The following PCMTD1 variants were observed in gnomAD, a reference collection of about 807,000 sequenced individuals.
PCMTD1 encodes the protein protein-L-isoaspartate (D-aspartate) O-methyltransferase domain containing 1.
PCMTD1 carries 12 observed loss-of-function variants against 37.6 expected under a neutral mutation model. The ratio of observed to expected loss-of-function variants is 0.32; its 90% CI spans 0.20 to 0.52. PCMTD1 has a LOEUF of 0.52. PCMTD1 is among the 20% of genes least tolerant of loss of function. The probability of loss-of-function intolerance (pLI) is 0.97; values close to 1 mark genes in which losing one functional copy is unlikely to be tolerated. For synonymous variants in PCMTD1, 117 were observed against 135.8 expected (o/e 0.86, Z 0.96); for missense variants, 235 against 421.3 (o/e 0.56, Z 3.87).
intron 1 of PCMTD1, among the ~76,000 whole-genome samples, chr8:51,897,883 T>C (rs2039030409): frequency 6.6e-6 from 1 of 152,180 alleles, no homozygotes; most frequent in Non-Finnish European, 1.5e-5. Context: ...AATAAAACGA[T>C]ATACTGTACT....
intron 2 of PCMTD1, among the ~76,000 whole-genome samples, chr8:51,846,053 A>T (rs1219441621): frequency 6.6e-6 from 1 of 152,254 alleles, no homozygotes; most frequent in Non-Finnish European, 1.5e-5. Flanking sequence ...CTGGCAGGAC[A>T]AAACTGCCAA....
At chr8:51,857,337 T>C (rs777980954) in intron 2 of PCMTD1, among the ~76,000 whole-genome samples, 2 of 152,196 alleles carry the variant, frequency 1.3e-5, no homozygotes, top group Non-Finnish European at 2.9e-5. Flanking sequence ...GAGAAAGTCA[T>C]TAGGTGGGAT....
chr8:51,859,616 A>G (rs1482090088), intron 2 of PCMTD1, among the ~76,000 whole-genome samples: 7 of 152,076 alleles, frequency 4.6e-5, no homozygotes, highest in Non-Finnish European at 8.8e-5. Flanking sequence ...AGACCTGACT[A>G]TACCTTAAAA....
chr8:51,834,629 T>C lies in PCMTD1; in HGVS notation c.411-940A>G, dbSNP rs1315045489. Among the ~76,000 whole-genome samples the C allele has an allele frequency of 2.0e-5, 3 of 152,310 alleles. No homozygotes were observed. In the East Asian group the frequency reaches 5.8e-4, roughly 29 times the overall value. On this transcript the variant is annotated intron_variant, in intron 3 of 5. Transcript: ENST00000522514. ...TATTATTTGAGGATGAAATAATTCA[T>C]ATTAAAAGGTTTAGCATGCAGTTAA...
chr8:51,835,995 T>C (rs928095748), intron 3 of PCMTD1, among the ~76,000 whole-genome samples: 7 of 152,240 alleles, frequency 4.6e-5, no homozygotes, highest in Admixed American at 6.5e-5. Context: ...ATACTATTTA[T>C]TGAGCACTAG....
chr8:51,847,405 T>C (rs1478727866), intron 2 of PCMTD1, among the ~76,000 whole-genome samples: 1 of 152,158 alleles, frequency 6.6e-6, no homozygotes, highest in Non-Finnish European at 1.5e-5. Flanking sequence ...GGCGGGCAGA[T>C]GGCTTGAGCC....
At chr8:51,879,504 T>C (rs979027093) in intron 1 of PCMTD1, among the ~76,000 whole-genome samples, 1 of 152,204 alleles carries the variant, frequency 6.6e-6, no homozygotes, top group East Asian at 1.9e-4. Context: ...AATTCATATA[T>C]AAATCAGGTC....
rs139700752 is a variant in PCMTD1, at chr8:51,893,319, T to C, written c.-96+5611A>G. On this transcript the variant is annotated intron_variant, in intron 1 of 5. Transcript: ENST00000522514. Reference sequence around the variant, plus strand: ...AGATATAAGAAAAAACTGTAACTTCTGCATGATAACCATTAACATCGATAG... The same window carrying C: ...AGATATAAGAAAAAACTGTAACTTCCGCATGATAACCATTAACATCGATAG... 3.7e-4 allele frequency among the ~76,000 whole-genome samples: 56 copies of C among 152,336 alleles called. 2 individuals are homozygous for C. In the South Asian group the frequency reaches 0.012, roughly 32 times the overall value.
rs547435060 is a variant in PCMTD1, at chr8:51,898,961, C to A, written c.-127G>T. 4 of 1,483,902 alleles carry A rather than the reference C, an allele frequency of 2.7e-6. No individual in the cohort carries two copies. Among genetic ancestry groups the A allele is most frequent in the Non-Finnish European group, 2.7e-6 (3 of 1,122,560 alleles). The allele number at this position is 1,483,902 out of a possible 1,614,324, so 91.9% of individuals were successfully genotyped here. On this transcript the variant is annotated 5_prime_UTR_variant, in exon 1 of 6. Coordinates refer to ENST00000522514, the MANE Select transcript of PCMTD1 (RefSeq NM_052937.4). ...CGCGGGCAGCGGCGCGCAGGCCAGG[C>A]GCTAGGACTCGGCGGGGTCCGCAGC...
chr8:51,823,069 T>C (rs112273690), intron 5 of PCMTD1, among the ~76,000 whole-genome samples: 3 of 152,348 alleles, frequency 2.0e-5, no homozygotes, highest in African/African-American at 7.2e-5. Flanking sequence ...CAGAAATTTA[T>C]CAAGACCAAC....
chr8:51,866,522 A>G (rs2038557641), intron 1 of PCMTD1, among the ~76,000 whole-genome samples: 1 of 151,912 alleles, frequency 6.6e-6, no homozygotes, highest in South Asian at 2.1e-4. Flanking sequence ...AGAACACACC[A>G]TTAAGAAAGC....
chr8:51,843,519 A>C (rs769897736), intron 3 of PCMTD1, among the ~76,000 whole-genome samples: 1 of 152,144 alleles, frequency 6.6e-6, no homozygotes. Context: ...CATATTATGA[A>C]TAACAAACCT....
intron 1 of PCMTD1, among the ~76,000 whole-genome samples, chr8:51,878,359 C>G (rs1246235316): frequency 4.6e-5 from 7 of 150,952 alleles, no homozygotes; most frequent in African/African-American, 1.5e-4. Flanking sequence ...AGATTGGACA[C>G]CCCTGGTGTA....
At chr8:51,837,750 CTG>C (rs1201637357) in intron 3 of PCMTD1, among the ~76,000 whole-genome samples, 2 of 152,088 alleles carry the variant, frequency 1.3e-5, no homozygotes, top group Non-Finnish European at 2.9e-5. Context: ...GTTTTGTATT[CTG>C]ATACTAATAT....
intron 5 of PCMTD1, among the ~76,000 whole-genome samples, chr8:51,827,610 AG>A (rs1213907514): frequency 2.0e-5 from 3 of 152,142 alleles, no homozygotes; most frequent in Non-Finnish European, 4.4e-5. Flanking sequence ...CATCCCCTGG[AG>A]GGTAATGGAA....
At chr8:51,892,445 A>T (rs2038949409) in intron 1 of PCMTD1, among the ~76,000 whole-genome samples, 1 of 152,230 alleles carries the variant, frequency 6.6e-6, no homozygotes, top group South Asian at 2.1e-4. Flanking sequence ...GTCTTCACAT[A>T]ACCCCACAGT....
At chr8:51,886,283 A>C (rs2038863625) in intron 1 of PCMTD1, among the ~76,000 whole-genome samples, 1 of 152,218 alleles carries the variant, frequency 6.6e-6, no homozygotes, top group Non-Finnish European at 1.5e-5. Flanking sequence ...GATTAATTTC[A>C]CTGGGGAGGA....
intron 5 of PCMTD1, chr8:51,827,177 T>C (rs2037932994): frequency 9.5e-7 from 1 of 1,052,792 alleles, no homozygotes; most frequent in African/African-American, 1.7e-5. Context: ...ACTATTTTCA[T>C]GCTCTGAATA....
chr8:51,850,240 A>G (rs1046684418), intron 2 of PCMTD1, among the ~76,000 whole-genome samples: 9 of 152,138 alleles, frequency 5.9e-5, no homozygotes, highest in Non-Finnish European at 1.3e-4. Context: ...AAATTATGTA[A>G]AACTTTGCAC....
Sources: allele counts gnomAD v4.1 joint callset (sites outside exome capture counted in the v4.1 genomes callset), GRCh38; gene constraint gnomAD v4.1.1; transcripts MANE v1.5; gene names NCBI Gene and HGNC (gene_info 2026-07-23, HGNC 2026-07-21).